The following MTUS2 variants were observed in gnomAD, a reference collection of about 807,000 sequenced individuals.
The protein encoded by MTUS2 is microtubule associated scaffold protein 2, also known as microtubule-associated tumor suppressor candidate 2.
In MTUS2, 40 loss-of-function variants were observed where a neutral mutation model predicts 114.1. The ratio of observed to expected loss-of-function variants is 0.35; its 90% CI spans 0.27 to 0.46. MTUS2 has a LOEUF of 0.46. MTUS2 is among the 20% of genes least tolerant of loss of function. The pLI, the probability that MTUS2 is intolerant of heterozygous loss-of-function variation, is 1.00. For synonymous variants in MTUS2, 688 were observed against 672.0 expected, an observed-to-expected ratio of 1.02 and a Z score of -0.37; for missense variants, 1,679 against 1,705.4, an observed-to-expected ratio of 0.98 and a Z score of 0.27.
At chr13:29,151,406 A>G (rs1056075818) in intron 5 of MTUS2, among the ~76,000 whole-genome samples, 1 of 152,198 alleles carries the variant, frequency 6.6e-6, no homozygotes, top group African/African-American at 2.4e-5. Context: ...AGAAACTTTA[A>G]TGAAGATGTT....
At chr13:28,953,751 G>A (rs1225652099) in intron 2 of MTUS2, among the ~76,000 whole-genome samples, 1 of 152,090 alleles carries the variant, frequency 6.6e-6, no homozygotes, top group Non-Finnish European at 1.5e-5. Flanking sequence ...GAGCCTATTG[G>A]CTTATTTTTG....
At chr13:29,318,241 T>A (rs528643693) in intron 6 of MTUS2, among the ~76,000 whole-genome samples, 1 of 151,736 alleles carries the variant, frequency 6.6e-6, no homozygotes, top group East Asian at 1.9e-4. Flanking sequence ...ATTAAGAGCC[T>A]ATAAAAATGT....
At chr13:29,371,952 A>T (rs1871215343) in intron 8 of MTUS2, among the ~76,000 whole-genome samples, 2 of 140,376 alleles carry the variant, frequency 1.4e-5, no homozygotes, top group Admixed American at 1.5e-4. Flanking sequence ...CTAAGAGAGT[A>T]GATCTTAAGT....
intron 1 of MTUS2, among the ~76,000 whole-genome samples, chr13:28,836,071 T>C (rs923193874): frequency 6.6e-6 from 1 of 152,196 alleles, no homozygotes; most frequent in Non-Finnish European, 1.5e-5. Context: ...AATAGAAATA[T>C]AATGTGAGCT....
intron 5 of MTUS2, among the ~76,000 whole-genome samples, chr13:29,206,314 G>A (rs1230172365): frequency 6.6e-6 from 1 of 152,138 alleles, no homozygotes; most frequent in Non-Finnish European, 1.5e-5. Flanking sequence ...TCAGTCCTTT[G>A]TCAGATGCAT....
chr13:28,838,965 T>C (rs1015099928), intron 1 of MTUS2, among the ~76,000 whole-genome samples: 1 of 151,856 alleles, frequency 6.6e-6, no homozygotes, highest in Non-Finnish European at 1.5e-5. Flanking sequence ...GTTTAGAAAA[T>C]GTAATTGTTT....
At chr13:28,982,794 T>C (rs1256890528) in intron 2 of MTUS2, among the ~76,000 whole-genome samples, 2 of 152,174 alleles carry the variant, frequency 1.3e-5, no homozygotes, top group Non-Finnish European at 2.9e-5. Context: ...AGACAAATAC[T>C]ATGTGATTCC....
intron 5 of MTUS2, among the ~76,000 whole-genome samples, chr13:29,177,886 A>T (rs201572313): frequency 1.3e-5 from 2 of 152,168 alleles, no homozygotes; most frequent in Non-Finnish European, 2.9e-5. Context: ...CACCACTGTT[A>T]TCTCCCAGGA....
At chr13:28,840,844 A>C (rs1875424038) in intron 2 of MTUS2, among the ~76,000 whole-genome samples, 1 of 152,220 alleles carries the variant, frequency 6.6e-6, no homozygotes, top group African/African-American at 2.4e-5. Context: ...AACTTACCAG[A>C]AGCACAGTAG....
intron 2 of MTUS2, among the ~76,000 whole-genome samples, chr13:28,945,007 C>CT (rs1405904879): frequency 1.3e-5 from 2 of 152,160 alleles, no homozygotes; most frequent in African/African-American, 2.4e-5. Flanking sequence ...TCTCCAGTAT[C>CT]TATCATTCCA....
intron 2 of MTUS2, among the ~76,000 whole-genome samples, chr13:28,962,716 A>G (rs1883385951): frequency 6.6e-6 from 1 of 152,150 alleles, no homozygotes; most frequent in Non-Finnish European, 1.5e-5. Context: ...GGGCTTAGTA[A>G]ACCAAGATTT....
intron 6 of MTUS2, among the ~76,000 whole-genome samples, chr13:29,313,963 GC>G (rs1241706761): frequency 5.9e-5 from 9 of 152,222 alleles, no homozygotes; most frequent in Non-Finnish European, 1.2e-4. Flanking sequence ...ACTCAGCCAA[GC>G]AACCAGTTGG....
At chr13:29,331,524 A>G (rs751105688) in intron 7 of MTUS2, among the ~76,000 whole-genome samples, 3 of 152,240 alleles carry the variant, frequency 2.0e-5, no homozygotes, top group Non-Finnish European at 4.4e-5. Flanking sequence ...AGCAAAAAGA[A>G]CAAAGCTGGA....
intron 5 of MTUS2, among the ~76,000 whole-genome samples, chr13:29,109,906 A>G (rs1029243315): frequency 6.6e-5 from 10 of 152,246 alleles, no homozygotes; most frequent in African/African-American, 2.4e-4. Flanking sequence ...ACAACCTCAC[A>G]CATATATGGT....
intron 8 of MTUS2, among the ~76,000 whole-genome samples, chr13:29,427,388 AT>A: frequency 6.6e-6 from 1 of 152,284 alleles, no homozygotes; most frequent in East Asian, 1.9e-4. Context: ...AATATTCCAC[AT>A]TTTTATGCTG....
intron 2 of MTUS2, among the ~76,000 whole-genome samples, chr13:28,928,947 C>T (rs1314162732): frequency 1.3e-5 from 2 of 152,170 alleles, no homozygotes; most frequent in South Asian, 2.1e-4. Flanking sequence ...TGTACACATG[C>T]ACACATACAT....
At chr13:29,061,783 C>T (rs1364051213) in intron 4 of MTUS2, among the ~76,000 whole-genome samples, 2 of 152,098 alleles carry the variant, frequency 1.3e-5, no homozygotes, top group Non-Finnish European at 2.9e-5. Context: ...AAAATGTTAG[C>T]TTCATATATT....
intron 8 of MTUS2, among the ~76,000 whole-genome samples, chr13:29,378,859 C>A (rs1871961732): frequency 6.6e-6 from 1 of 152,028 alleles, no homozygotes; most frequent in African/African-American, 2.4e-5. Context: ...TGTCCCCACC[C>A]AAATCTCATC....
chr13:29,435,356 T>C (rs1467386795), intron 8 of MTUS2, among the ~76,000 whole-genome samples: 1 of 152,192 alleles, frequency 6.6e-6, no homozygotes, highest in Admixed American at 6.5e-5. Context: ...TCATTAGGAA[T>C]TTTCCACTCA....
Sources: allele counts gnomAD v4.1 joint callset (sites outside exome capture counted in the v4.1 genomes callset), GRCh38; gene constraint gnomAD v4.1.1; transcripts MANE v1.5; gene names NCBI Gene and HGNC (gene_info 2026-07-23, HGNC 2026-07-21).